JAKMIP3: variants seen among roughly 807,000 people sequenced by gnomAD.
JAKMIP3 encodes the protein janus kinase and microtubule-interacting protein 3.
A neutral mutation model predicts 118.5 loss-of-function variants in JAKMIP3; 58 were observed. The observed-to-expected ratio is 0.49, with a 90% confidence interval of 0.40 to 0.61. The LOEUF (loss-of-function observed/expected upper bound fraction) is 0.61. Ranked by LOEUF, JAKMIP3 falls within the 20% of genes least tolerant of loss-of-function variation. JAKMIP3 has a pLI of 0.00. For missense variants in JAKMIP3, 950 were observed against 1,109.0 expected (o/e 0.86, Z 2.04); for synonymous variants, 486 against 451.2 (o/e 1.08, Z -0.98).
chr10:132,071,300 T>G (rs996962766), intron 1 of JAKMIP3, among the ~76,000 whole-genome samples: 13 of 152,210 alleles, frequency 8.5e-5, no homozygotes, highest in African/African-American at 3.1e-4. Flanking sequence ...TTATTTTAAC[T>G]TTGTTGAGAT....
At chr10:132,071,835 C>CCTTTTCTTTCTTTCTTTCCTTT (rs1589747045) in intron 1 of JAKMIP3, among the ~76,000 whole-genome samples, 3 of 25,144 alleles carry the variant, frequency 1.2e-4, no homozygotes, top group Admixed American at 5.4e-4. Flanking sequence ...TCCTTTCTTC[C>CCTTTTCTTTCTTTCTTTCCTTT]CTTTCCTTTC....
At chr10:132,152,801 TGGGA>T (rs1018600211) in intron 16 of JAKMIP3, among the ~76,000 whole-genome samples, 153 bp from the exon 17 acceptor site, 3 of 152,102 alleles carry the variant, frequency 2.0e-5, no homozygotes, top group African/African-American at 7.2e-5. Context: ...TCAGAGATGC[TGGGA>T]GGGAGATGTC....
intron 19 of JAKMIP3, among the ~76,000 whole-genome samples, chr10:132,154,568 C>T (rs143416509): frequency 1.3e-5 from 2 of 152,316 alleles, no homozygotes; most frequent in Non-Finnish European, 2.9e-5. Context: ...ACGGAAGGTA[C>T]GACCAGGAGG....
At chr10:132,123,968 A>G (rs2049026962) in intron 3 of JAKMIP3, among the ~76,000 whole-genome samples, 1 of 152,118 alleles carries the variant, frequency 6.6e-6, no homozygotes, top group Admixed American at 6.5e-5. Flanking sequence ...GAATATTGAG[A>G]GCCTTTAGAG....
intron 9 of JAKMIP3, among the ~76,000 whole-genome samples, chr10:132,139,199 AGTGT>A (rs529551730): frequency 0.044 from 2,410 of 55,308 alleles, 137 homozygotes; most frequent in African/African-American, 0.18. Flanking sequence ...TGTGTGTATG[AGTGT>A]GTGTGTGTAT....
Position 132,168,609 on chromosome 10 carries a change from C to G in JAKMIP3, c.*679C>G. ...CAAGAGCCGTGGCCGCCGCGGGCCGCGTGGTGCCATCAACCCTCTGCCTCC... is the reference window on the plus strand; with the variant it reads ...CAAGAGCCGTGGCCGCCGCGGGCCGGGTGGTGCCATCAACCCTCTGCCTCC... On this transcript the variant is annotated 3_prime_UTR_variant, in exon 23 of 24. Coordinates refer to ENST00000684848, the MANE Select transcript of JAKMIP3 (RefSeq NM_001323087.2). 2.8e-6 allele frequency: 1 copy of G among 353,968 alleles called. No homozygotes were observed. The highest frequency in any genetic ancestry group is 2.1e-5 in the South Asian group (1 of 47,132). The allele number at this position is 353,968 out of a possible 1,614,324, so 21.9% of individuals were successfully genotyped here.
At chr10:132,060,676 G>A (rs2038366727), upstream of JAKMIP3, among the ~76,000 whole-genome samples, 1 of 152,174 alleles carries the variant, frequency 6.6e-6, no homozygotes, top group East Asian at 1.9e-4. Flanking sequence ...AAAGTATAAA[G>A]ATTGGAAAGA....
intron 5 of JAKMIP3, among the ~76,000 whole-genome samples, chr10:132,135,701 C>A (rs973860486): frequency 6.6e-6 from 1 of 152,288 alleles, no homozygotes; most frequent in Admixed American, 6.5e-5. Context: ...GGGCACCGGG[C>A]GAGCGGGTTC....
At position 132,152,825 on chromosome 10, in the gene JAKMIP3, A is replaced by G. The variant is rs1827287927; in HGVS notation, c.2008-133A>G. The G allele has an allele frequency of 7.7e-6, 5 of 651,880 alleles. No individual in the cohort carries two copies. The South Asian group carries it at 8.7e-5, about 11-fold the overall frequency. The allele number at this position is 651,880 out of a possible 1,614,324, so 40.4% of individuals were successfully genotyped here. ...CTGGGAGGGAGATGTCAGTCAAAGC[A>G]CTTTTTAGCTCTGGCCCCCACCCAG... is the stretch of plus-strand genomic sequence containing the variant. On this transcript the variant is annotated intron_variant, in intron 16 of 23. Coordinates refer to ENST00000684848, the MANE Select transcript of JAKMIP3 (RefSeq NM_001323087.2).
At chr10:132,051,308 A>G in intron 1 of JAKMIP3, among the ~76,000 whole-genome samples, 3 of 111,744 alleles carry the variant, frequency 2.7e-5, no homozygotes, top group African/African-American at 1.1e-4. Flanking sequence ...GTTGGGGGGT[A>G]CCTGCCTGTC....
intron 2 of JAKMIP3, among the ~76,000 whole-genome samples, chr10:132,116,548 A>G (rs2047696788): frequency 3.2e-5 from 4 of 123,342 alleles, no homozygotes; most frequent in Non-Finnish European, 5.1e-5. Context: ...ATACACATTC[A>G]GATGTGTGAG....
chr10:132,069,722 G>C (rs1253713452), intron 1 of JAKMIP3, among the ~76,000 whole-genome samples: 2 of 152,230 alleles, frequency 1.3e-5, no homozygotes, highest in Admixed American at 1.3e-4. Context: ...GTGGGAAGAA[G>C]AGGAAACCAT....
At chr10:132,139,401 AGTGT>A (rs1337057173) in intron 9 of JAKMIP3, among the ~76,000 whole-genome samples, 27 of 77,078 alleles carry the variant, frequency 3.5e-4, no homozygotes, top group African/African-American at 1.6e-3. Flanking sequence ...TGAGTATGTG[AGTGT>A]GTATGTGTGA....
chr10:132,142,171 T>C, intron 11 of JAKMIP3, 123 bp downstream of exon 11: 1 of 1,035,480 alleles, frequency 9.7e-7, no homozygotes, highest in Non-Finnish European at 1.4e-6. Flanking sequence ...CTCCTGCCCT[T>C]GCCTGCAGTC....
chr10:132,079,369 G>C (rs1360927416), intron 1 of JAKMIP3, among the ~76,000 whole-genome samples: 2 of 152,118 alleles, frequency 1.3e-5, no homozygotes, highest in African/African-American at 4.8e-5. Flanking sequence ...CTCATCTCTT[G>C]TACTTCTGGT....
chr10:132,060,122 C>T (rs1424338616), upstream of JAKMIP3, among the ~76,000 whole-genome samples: 3 of 152,158 alleles, frequency 2.0e-5, no homozygotes, highest in African/African-American at 4.8e-5. Context: ...TGACACTGGA[C>T]GAAATAAGCC....
intron 1 of JAKMIP3, among the ~76,000 whole-genome samples, chr10:132,058,706 GC>G (rs2038312401): frequency 6.6e-6 from 1 of 152,222 alleles, no homozygotes; most frequent in Admixed American, 6.5e-5. Flanking sequence ...GACGCACCCG[GC>G]TGTTGGAAAA....
At chr10:132,138,257 C>T (rs184459865) in intron 9 of JAKMIP3, 79 bp downstream of exon 9, 25 of 1,308,822 alleles carry the variant, frequency 1.9e-5, no homozygotes, top group African/African-American at 1.5e-4. Context: ...GTGTGGAGAG[C>T]GCTGGTGTGT....
intron 19 of JAKMIP3, among the ~76,000 whole-genome samples, chr10:132,161,111 T>C (rs1351868110): frequency 4.9e-5 from 3 of 61,808 alleles, no homozygotes; most frequent in African/African-American, 1.2e-4. Context: ...GGGGGGGGTC[T>C]ATTCCTGTGT....
Sources: gnomAD v4.1 joint callset for allele counts (sites outside exome capture counted in the v4.1 genomes callset) on GRCh38, gnomAD v4.1.1 for gene constraint, MANE v1.5 for transcripts, NCBI Gene and HGNC (gene_info 2026-07-23, HGNC 2026-07-21) for gene names.